The following SEC23A variants were observed in gnomAD, a reference collection of about 807,000 sequenced individuals.
The protein encoded by SEC23A is SEC23 homolog A, COPII component.
Under a neutral mutation model 103.7 loss-of-function variants are expected in SEC23A, and 56 were observed. That is an observed-to-expected ratio of 0.54 (90% CI 0.44 to 0.67). SEC23A has a LOEUF of 0.67. SEC23A is among the 30% of genes least tolerant of loss of function. The pLI is 0.00. For missense variants in SEC23A, 784 were observed against 936.4 expected (o/e 0.84, Z 2.12); for synonymous variants, 281 against 293.0 (o/e 0.96, Z 0.42).
chr14:39,102,103 G>A (rs1467311811), intron 1 of SEC23A, among the ~76,000 whole-genome samples: 1 of 151,962 alleles, frequency 6.6e-6, no homozygotes, highest in South Asian at 2.1e-4. Flanking sequence ...ATAGTAGCTC[G>A]CCCCTGTAAT....
chr14:39,033,687 G>A (rs1028146017), intron 19 of SEC23A, among the ~76,000 whole-genome samples: 4 of 9,562 alleles, frequency 4.2e-4, no homozygotes, highest in Non-Finnish European at 1.4e-3. Context: ...CATTTTAAGA[G>A]AAATCCCAGC....
intron 9 of SEC23A, among the ~76,000 whole-genome samples, chr14:39,071,840 G>C (rs1886850002): frequency 6.6e-6 from 1 of 152,116 alleles, no homozygotes; most frequent in Non-Finnish European, 1.5e-5. Context: ...CTCCAGCCTG[G>C]GTGACAGAGC....
At chr14:39,086,903 CA>C in intron 6 of SEC23A, 25 bp downstream of exon 6, 1 of 1,422,384 alleles carries the variant, frequency 7.0e-7, no homozygotes. Flanking sequence ...CAGAAACGGT[CA>C]AATTCTCTTC....
intron 7 of SEC23A, among the ~76,000 whole-genome samples, chr14:39,085,082 C>A (rs1887384087): frequency 1.3e-5 from 2 of 152,192 alleles, no homozygotes; most frequent in South Asian, 4.2e-4. Flanking sequence ...CACACCCCAA[C>A]CTCCAGAAGG....
chr14:39,044,803 T>C (rs1885773552), intron 16 of SEC23A, among the ~76,000 whole-genome samples: 1 of 152,202 alleles, frequency 6.6e-6, no homozygotes, highest in Admixed American at 6.5e-5. Context: ...CACTAAACTC[T>C]GGAATAAGCT....
At chr14:39,055,080 C>A in intron 14 of SEC23A, 63 bp downstream of exon 14, 1 of 1,590,608 alleles carries the variant, frequency 6.3e-7, no homozygotes. Context: ...AGATTATCTG[C>A]AACAAACATT....
chr14:39,079,594 C>T (rs1433736300), intron 7 of SEC23A, among the ~76,000 whole-genome samples: 5 of 151,964 alleles, frequency 3.3e-5, no homozygotes, highest in East Asian at 1.9e-4. Flanking sequence ...ATGAGGTGGG[C>T]GGATCACCTG....
intron 7 of SEC23A, among the ~76,000 whole-genome samples, chr14:39,078,046 T>TC (rs979001623): frequency 1.3e-5 from 2 of 151,998 alleles, no homozygotes; most frequent in African/African-American, 4.8e-5. Flanking sequence ...GCCCAGGAGT[T>TC]CAAGATCAGC....
intron 2 of SEC23A, 58 bp downstream of exon 2, chr14:39,095,840 A>T: frequency 7.5e-7 from 1 of 1,335,484 alleles, no homozygotes; most frequent in Non-Finnish European, 1.1e-6. Flanking sequence ...ATATGCAGAA[A>T]AACCCCGACA....
At chr14:39,094,429 TATATATATATA>T (rs1887807416) in intron 2 of SEC23A, among the ~76,000 whole-genome samples, 1 of 54,640 alleles carries the variant, frequency 1.8e-5, no homozygotes, top group African/African-American at 1.6e-4. Flanking sequence ...TATATATATA[TATATATATATA>T]TATTTTTTTT....
chr14:39,102,994 C>A, intron 1 of SEC23A, 38 bp downstream of exon 1: 1 of 153,648 alleles, frequency 6.5e-6, no homozygotes, highest in South Asian at 1.8e-4. Flanking sequence ...AGCCCCCAGC[C>A]CGCCGCCGCC....
intron 1 of SEC23A, among the ~76,000 whole-genome samples, chr14:39,098,172 G>C (rs976349074): frequency 2.6e-5 from 4 of 152,006 alleles, no homozygotes; most frequent in African/African-American, 9.7e-5. Flanking sequence ...GAAAAGTGTT[G>C]AAAGATAATG....
chr14:39,062,211 C>T (rs1886503535), intron 12 of SEC23A, among the ~76,000 whole-genome samples: 1 of 152,154 alleles, frequency 6.6e-6, no homozygotes, highest in Admixed American at 6.5e-5. Context: ...CCAAACTGCA[C>T]AGATTGAATA....
intron 1 of SEC23A, among the ~76,000 whole-genome samples, chr14:39,100,413 T>TA (rs1888042527): frequency 2.4e-5 from 2 of 82,302 alleles, no homozygotes; most frequent in Admixed American, 4.3e-4. Flanking sequence ...CAAGCCAACT[T>TA]AACTTTTTTT....
intron 8 of SEC23A, 27 bp downstream of exon 8, chr14:39,075,908 G>A (rs1368010921): frequency 6.9e-6 from 11 of 1,605,466 alleles, no homozygotes; most frequent in Non-Finnish European, 9.4e-6. Flanking sequence ...TTCTAATAAG[G>A]CAAAAATATT....
Position 39,032,956 on chromosome 14 carries a change from G to A in SEC23A, c.*283C>T, listed in dbSNP as rs1885347527. ...CAAATGAGTTACATCTGTAGTACGA[G>A]GCAGACTCTATTTTTTATTAAACAT... On this transcript the variant is annotated 3_prime_UTR_variant, in exon 20 of 20. Transcript: ENST00000307712. 2.8e-6 allele frequency: 1 copy of A among 353,468 alleles called. No individual in the cohort carries two copies. The highest frequency in any genetic ancestry group is 2.1e-5 in the African/African-American group (1 of 48,052). 21.9% of individuals were successfully genotyped at this position (353,468 alleles called of 1,614,324 possible).
chr14:39,098,013 G>T (rs372973344), intron 1 of SEC23A, among the ~76,000 whole-genome samples: 34 of 151,932 alleles, frequency 2.2e-4, no homozygotes, highest in Admixed American at 1.3e-4. Flanking sequence ...CGCTTGAACT[G>T]GGGGGGCAGA....
intron 5 of SEC23A, chr14:39,091,210 T>C (rs926260485): frequency 2.0e-6 from 1 of 488,680 alleles, no homozygotes. Context: ...TGACTCTTCA[T>C]AAGCCCTTCA....
At chr14:39,046,028 G>C (rs554457663) in intron 15 of SEC23A, among the ~76,000 whole-genome samples, 2 of 152,204 alleles carry the variant, frequency 1.3e-5, no homozygotes, top group Admixed American at 6.5e-5. Context: ...TCTCGTGGTA[G>C]TAAGTCTCAG....
Sources: gnomAD v4.1 joint callset for allele counts (sites outside exome capture counted in the v4.1 genomes callset) on GRCh38, gnomAD v4.1.1 for gene constraint, MANE v1.5 for transcripts, NCBI Gene and HGNC (gene_info 2026-07-23, HGNC 2026-07-21) for gene names.